The following COL5A2 variants were observed in gnomAD, a reference collection of about 807,000 sequenced individuals.
COL5A2 encodes the protein collagen type V alpha 2 chain.
Under a neutral mutation model 208.2 loss-of-function variants are expected in COL5A2, and 23 were observed. The ratio of observed to expected loss-of-function variants is 0.11; its 90% CI spans 0.08 to 0.16. The LOEUF (loss-of-function observed/expected upper bound fraction) is 0.16. Among genes scored for constraint, COL5A2 ranks in the 10% least tolerant of loss-of-function variants. The pLI, the probability that COL5A2 is intolerant of heterozygous loss-of-function variation, is 1.00. For synonymous variants in COL5A2, 625 were observed against 628.5 expected (o/e 0.99, Z 0.08); for missense variants, 1,590 against 1,956.4 (o/e 0.81, Z 3.53).
the COL5A2 span, among the ~76,000 whole-genome samples, chr2:189,404,965 G>T: frequency 6.6e-6 from 1 of 152,116 alleles, no homozygotes; most frequent in African/African-American, 2.4e-5. Flanking sequence ...CTACCTATGT[G>T]ATTTTGGATG....
At chr2:189,137,524 T>A (rs569514833) in intron 1 of COL5A2, among the ~76,000 whole-genome samples, 6 of 152,354 alleles carry the variant, frequency 3.9e-5, no homozygotes, top group African/African-American at 1.4e-4. Flanking sequence ...TCACACATTG[T>A]GTATTAAACA....
At chr2:189,052,855 T>C (rs1685820342) in intron 39 of COL5A2, 53 bp from the exon 40 acceptor site, 3 of 1,611,428 alleles carry the variant, frequency 1.9e-6, no homozygotes, top group Non-Finnish European at 1.7e-6. Flanking sequence ...AGGCTGAATG[T>C]ACACTCCAAA....
chr2:189,310,528 A>G, the COL5A2 span, among the ~76,000 whole-genome samples: 5 of 152,216 alleles, frequency 3.3e-5, no homozygotes, highest in African/African-American at 1.2e-4. Context: ...TCCTCAAAAA[A>G]CTAAAAATTG....
rs912422621 is a variant in COL5A2 at position 189,045,813 on chromosome 2, T to C, written c.3296A>G (p.Gln1099Arg). Residue 1099 changes from glutamine to arginine, a missense_variant, in exon 46 of 54, where the codon CAA becomes CGA. By Grantham distance (43) the Gln-to-Arg change is conservative (BLOSUM62 1). Coordinates refer to ENST00000374866, the MANE Select transcript of COL5A2 (RefSeq NM_000393.5). ...GPVGAPGDAG[Q>R]RGDPGSRGPI... ...CTCCCTCCTTACCGGATCTCCTCTTTGTCCTGCATCTCCTGGAGCACCCAC... is the reference window on the plus strand; with the variant it reads ...CTCCCTCCTTACCGGATCTCCTCTTCGTCCTGCATCTCCTGGAGCACCCAC... 4 of 1,613,968 alleles carry C rather than the reference T, an allele frequency of 2.5e-6. No homozygotes were observed. In the East Asian group the frequency reaches 8.9e-5, roughly 36 times the overall value.
chr2:189,181,337 T>G (rs1230522526), upstream of COL5A2, among the ~76,000 whole-genome samples: 2 of 152,156 alleles, frequency 1.3e-5, no homozygotes, highest in African/African-American at 4.8e-5. Context: ...TTCAATGACT[T>G]CTGTCACCAC....
chr2:189,278,557 C>CCTT, the COL5A2 span, among the ~76,000 whole-genome samples: 21 of 152,130 alleles, frequency 1.4e-4, 1 homozygote, highest in African/African-American at 4.6e-4. Flanking sequence ...CTCTTAAAAT[C>CCTT]CATTATAAAG....
the COL5A2 span, among the ~76,000 whole-genome samples, chr2:189,290,290 T>A: frequency 6.6e-6 from 1 of 152,212 alleles, no homozygotes; most frequent in African/African-American, 2.4e-5. Flanking sequence ...CACCTAAAAA[T>A]GTATTTCTTA....
the COL5A2 span, among the ~76,000 whole-genome samples, chr2:189,358,222 T>G: frequency 0.036 from 5,541 of 152,032 alleles, 119 homozygotes; most frequent in Admixed American, 0.05. Flanking sequence ...CCATTGTTGA[T>G]ACCTACTGCT....
chr2:189,246,216 T>G, the COL5A2 span, among the ~76,000 whole-genome samples: 1 of 152,276 alleles, frequency 6.6e-6, no homozygotes, highest in African/African-American at 2.4e-5. Context: ...ATCCAGATTA[T>G]GACACGTTAC....
chr2:189,309,403 G>A, the COL5A2 span, among the ~76,000 whole-genome samples: 63 of 152,248 alleles, frequency 4.1e-4, no homozygotes, highest in African/African-American at 1.5e-3. Context: ...AATGCCCCAA[G>A]TAAGCATGCG....
chr2:189,079,195 T>C, intron 14 of COL5A2, 88 bp from the exon 15 acceptor site: 1 of 1,029,298 alleles, frequency 9.7e-7, no homozygotes, highest in East Asian at 2.4e-5. Flanking sequence ...AAAAGCATAT[T>C]TTCAAAGAGG....
chr2:189,282,454 A>G, the COL5A2 span, among the ~76,000 whole-genome samples: 5 of 152,196 alleles, frequency 3.3e-5, no homozygotes, highest in Admixed American at 2.0e-4. Context: ...CGTTGGAAAT[A>G]AGCACCATTA....
chr2:189,126,433 G>GT (rs929251821), intron 1 of COL5A2, among the ~76,000 whole-genome samples: 3 of 151,856 alleles, frequency 2.0e-5, no homozygotes, highest in African/African-American at 4.8e-5. Flanking sequence ...TTAAAAATAA[G>GT]TTTTTTTATT....
chr2:189,417,837 T>C, the COL5A2 span, among the ~76,000 whole-genome samples: 2 of 151,892 alleles, frequency 1.3e-5, no homozygotes, highest in African/African-American at 2.4e-5. Flanking sequence ...CACATACATA[T>C]ATGTGTATAT....
chr2:189,080,771 C>T (rs540763939), intron 13 of COL5A2, among the ~76,000 whole-genome samples: 2 of 152,106 alleles, frequency 1.3e-5, no homozygotes, highest in South Asian at 2.1e-4. Flanking sequence ...GTGTCCAGTA[C>T]ATAGTAAGAA....
chr2:189,233,198 G>A, the COL5A2 span, among the ~76,000 whole-genome samples: 9 of 151,700 alleles, frequency 5.9e-5, no homozygotes, highest in South Asian at 6.2e-4. Flanking sequence ...TTGTTTTCCT[G>A]TTGGCATCTG....
At chr2:189,205,674 A>G (rs891454569) in intron 1 of COL5A2, among the ~76,000 whole-genome samples, 4 of 152,240 alleles carry the variant, frequency 2.6e-5, no homozygotes, top group Non-Finnish European at 5.9e-5. Context: ...AATTGCATAT[A>G]GGACACCTGG....
intron 26 of COL5A2, 150 bp from the exon 27 acceptor site, chr2:189,063,420 T>A (rs1320240505): frequency 9.9e-6 from 7 of 709,364 alleles, no homozygotes; most frequent in Non-Finnish European, 1.5e-5. Context: ...GTTGAATGGG[T>A]TTTTTAAAAA....
At chr2:189,357,736 C>G in the COL5A2 span, among the ~76,000 whole-genome samples, 1 of 144,002 alleles carries the variant, frequency 6.9e-6, no homozygotes, top group South Asian at 2.3e-4. Flanking sequence ...TTCTGTCTCA[C>G]TGGCATTCCA....
Sources: gnomAD v4.1 joint callset for allele counts (sites outside exome capture counted in the v4.1 genomes callset) on GRCh38, gnomAD v4.1.1 for gene constraint, MANE v1.5 for transcripts, NCBI Gene and HGNC (gene_info 2026-07-23, HGNC 2026-07-21) for gene names.